SNTG1: variants seen among roughly 807,000 people sequenced by gnomAD.
SNTG1 encodes syntrophin gamma 1, also known as gamma-1-syntrophin.
In SNTG1, 39 loss-of-function variants were observed where a neutral mutation model predicts 74.7. The observed-to-expected ratio is 0.52, with a 90% confidence interval of 0.40 to 0.68. SNTG1 has a LOEUF of 0.68. Ranked by LOEUF, SNTG1 falls within the 30% of genes least tolerant of loss-of-function variation. The pLI is 0.00. For synonymous variants in SNTG1, 254 were observed against 217.1 expected, an observed-to-expected ratio of 1.17 and a Z score of -1.49; for missense variants, 685 against 609.5, an observed-to-expected ratio of 1.12 and a Z score of -1.30.
intron 1 of SNTG1, among the ~76,000 whole-genome samples, chr8:49,960,353 G>A (rs955212221): frequency 6.6e-6 from 1 of 152,080 alleles, no homozygotes; most frequent in African/African-American, 2.4e-5. Context: ...AATAAATCAA[G>A]AGTCAAGATA....
intron 1 of SNTG1, among the ~76,000 whole-genome samples, chr8:50,119,036 G>A (rs2080915218): frequency 7.1e-6 from 1 of 140,936 alleles, no homozygotes; most frequent in African/African-American, 2.6e-5. Flanking sequence ...CCAAACTGCT[G>A]TGGTGGAGGC....
intron 2 of SNTG1, among the ~76,000 whole-genome samples, chr8:50,305,240 C>T (rs2089837519): frequency 1.3e-5 from 2 of 152,202 alleles, no homozygotes; most frequent in Admixed American, 1.3e-4. Context: ...AAGTATATTA[C>T]TGCATTTTCT....
rs146973409 is a variant in SNTG1 at position 50,404,996 on chromosome 8, A to C, written c.162+2652A>C. Among the ~76,000 whole-genome samples, 848 of 152,156 alleles carry C rather than the reference A, an allele frequency of 5.6e-3. 12 individuals are homozygous for C. The highest frequency in any genetic ancestry group is 0.02 in the African/African-American group (812 of 41,528). The stretch of plus-strand genomic sequence containing the variant: ...CATATATCAGAATTTCATTCCCTTC[A>C]AAGGCTGAATAATATTCCATTGTGT... On this transcript the variant is annotated intron_variant, in intron 4 of 18. Transcript: ENST00000642720.
At chr8:50,244,563 G>A (rs145962531) in intron 2 of SNTG1, among the ~76,000 whole-genome samples, 1 of 152,188 alleles carries the variant, frequency 6.6e-6, no homozygotes, top group Non-Finnish European at 1.5e-5. Flanking sequence ...TTAAATTCTA[G>A]GTTGAGCATG....
At chr8:50,277,569 G>C (rs1586932700) in intron 2 of SNTG1, among the ~76,000 whole-genome samples, 1 of 152,062 alleles carries the variant, frequency 6.6e-6, no homozygotes, top group African/African-American at 2.4e-5. Context: ...GTTATAAAAT[G>C]GAATCCAAAG....
chr8:50,203,640 G>C (rs1455661788), intron 2 of SNTG1, among the ~76,000 whole-genome samples: 1 of 151,882 alleles, frequency 6.6e-6, no homozygotes, highest in Non-Finnish European at 1.5e-5. Context: ...CCTTTTATTT[G>C]GGCATTTGTA....
intron 1 of SNTG1, among the ~76,000 whole-genome samples, chr8:50,110,125 T>C (rs1223696479): frequency 6.6e-6 from 1 of 152,152 alleles, no homozygotes; most frequent in Non-Finnish European, 1.5e-5. Flanking sequence ...CTCCTGCGTA[T>C]CTCTTAGGGA....
chr8:50,021,916 G>A (rs1450922840), intron 1 of SNTG1, among the ~76,000 whole-genome samples: 1 of 143,794 alleles, frequency 7.0e-6, no homozygotes, highest in Non-Finnish European at 1.5e-5. Context: ...ACTCCAGCCT[G>A]GGTGACACAG....
chr8:50,656,571 C>T (rs570508322), intron 13 of SNTG1, among the ~76,000 whole-genome samples: 122 of 152,054 alleles, frequency 8.0e-4, no homozygotes, highest in Non-Finnish European at 1.2e-3. Context: ...TAAACAAGTG[C>T]GATGCATCAA....
intron 17 of SNTG1, among the ~76,000 whole-genome samples, chr8:50,737,694 CA>C (rs2095532379): frequency 6.6e-6 from 1 of 152,082 alleles, no homozygotes; most frequent in Non-Finnish European, 1.5e-5. Flanking sequence ...AGCAGCACAT[CA>C]AAAAGCTTGT....
intron 2 of SNTG1, among the ~76,000 whole-genome samples, chr8:50,323,313 G>A (rs561179871): frequency 2.9e-4 from 44 of 152,166 alleles, no homozygotes; most frequent in Non-Finnish European, 5.1e-4. Flanking sequence ...CTGAAAGGTC[G>A]TATATCTCTG....
At chr8:50,522,577 C>CTTTTTT in intron 9 of SNTG1, among the ~76,000 whole-genome samples, 1 of 127,108 alleles carries the variant, frequency 7.9e-6, no homozygotes. Flanking sequence ...GACTTCCTTC[C>CTTTTTT]TTTTTTTTTT....
At chr8:50,780,066 G>T (rs1413491142) in intron 18 of SNTG1, among the ~76,000 whole-genome samples, 2 of 152,186 alleles carry the variant, frequency 1.3e-5, no homozygotes, top group Admixed American at 6.5e-5. Flanking sequence ...CTTGATCATG[G>T]TGGATAAGCT....
chr8:50,233,946 A>G (rs2085763693), intron 2 of SNTG1, among the ~76,000 whole-genome samples: 1 of 151,854 alleles, frequency 6.6e-6, no homozygotes, highest in South Asian at 2.1e-4. Context: ...ATATTTTTGT[A>G]AGGAATATAA....
chr8:50,284,904 A>C (rs930803618), intron 2 of SNTG1, among the ~76,000 whole-genome samples: 2 of 152,134 alleles, frequency 1.3e-5, no homozygotes, highest in African/African-American at 4.8e-5. Context: ...GCAAAAAGCA[A>C]CTTATCAATG....
At chr8:50,783,579 G>A (rs887045250) in intron 18 of SNTG1, among the ~76,000 whole-genome samples, 10 of 152,164 alleles carry the variant, frequency 6.6e-5, no homozygotes, top group Non-Finnish European at 1.5e-4. Flanking sequence ...GGAGTGACCC[G>A]ATTTTCCAGG....
chr8:50,609,206 G>A (rs576816401), intron 13 of SNTG1, among the ~76,000 whole-genome samples: 9 of 152,068 alleles, frequency 5.9e-5, no homozygotes, highest in Non-Finnish European at 8.8e-5. Flanking sequence ...GTCGGACTTC[G>A]TTAAGTATTT....
intron 9 of SNTG1, among the ~76,000 whole-genome samples, chr8:50,506,294 GTT>G (rs996145232): frequency 6.6e-6 from 1 of 152,028 alleles, no homozygotes; most frequent in African/African-American, 2.4e-5. Context: ...CCCCAGCTCT[GTT>G]TTTCTTTCTC....
chr8:50,083,669 C>T (rs1016584648), intron 1 of SNTG1, among the ~76,000 whole-genome samples: 3 of 152,192 alleles, frequency 2.0e-5, no homozygotes, highest in African/African-American at 7.2e-5. Context: ...GCAACTACTT[C>T]AAGCATTCAT....
Sources: allele counts gnomAD v4.1 joint callset (sites outside exome capture counted in the v4.1 genomes callset), GRCh38; gene constraint gnomAD v4.1.1; transcripts MANE v1.5; gene names NCBI Gene and HGNC (gene_info 2026-07-23, HGNC 2026-07-21).